Variants in ZNF90 observed in about 807,000 individuals in gnomAD.
ZNF90 encodes the protein zinc finger protein 90, also known as zinc finger protein HTF9.
ZNF90 carries 11 observed loss-of-function variants against 12.0 expected under a neutral mutation model. That is an observed-to-expected ratio of 0.92 (90% CI 0.58 to 1.52). ZNF90 has a LOEUF of 1.52. Ranked by LOEUF, ZNF90 falls within the 40% of genes most tolerant of loss-of-function variation. ZNF90 has a pLI of 0.00. For synonymous variants in ZNF90, 232 were observed against 240.1 expected, an observed-to-expected ratio of 0.97 and a Z score of 0.31; for missense variants, 765 against 711.5, an observed-to-expected ratio of 1.08 and a Z score of -0.86.
At chr19:20,084,341 G>T (rs1275183809) in intron 1 of ZNF90, among the ~76,000 whole-genome samples, 1 of 152,164 alleles carries the variant, frequency 6.6e-6, no homozygotes, top group African/African-American at 2.4e-5. Flanking sequence ...ACAGGCATGA[G>T]CCACTGCGCC....
At chr19:20,096,039 A>G (rs1299855684) in intron 1 of ZNF90, among the ~76,000 whole-genome samples, 1 of 152,216 alleles carries the variant, frequency 6.6e-6, no homozygotes, top group Non-Finnish European at 1.5e-5. Context: ...GTCCATGGAT[A>G]AAACGTGTCT....
chr19:20,105,532 G>A (rs528917026), intron 3 of ZNF90, among the ~76,000 whole-genome samples: 1 of 152,176 alleles, frequency 6.6e-6, no homozygotes, highest in East Asian at 1.9e-4. Flanking sequence ...CTTTTCTTTC[G>A]GTGAGCTTCC....
chr19:20,105,542 C>G lies in ZNF90; in HGVS notation c.226+226C>G, dbSNP rs191880407. Among the ~76,000 whole-genome samples, 213 of 152,234 alleles carry G rather than the reference C, an allele frequency of 1.4e-3. 1 individual carries two copies. The highest frequency in any genetic ancestry group is 4.8e-3 in the African/African-American group (201 of 41,534). ...TTCTACTTTTCTTTCGGTGAGCTTCCTTCAACTTCACAGTGAGAGCCAGAG... is the reference window on the plus strand; with the variant it reads ...TTCTACTTTTCTTTCGGTGAGCTTCGTTCAACTTCACAGTGAGAGCCAGAG... On this transcript the variant is annotated intron_variant, in intron 3 of 3. Coordinates refer to ENST00000418063, the MANE Select transcript of ZNF90 (RefSeq NM_007138.2).
chr19:20,099,153 T>C (rs911785305), intron 1 of ZNF90, among the ~76,000 whole-genome samples: 1 of 152,166 alleles, frequency 6.6e-6, no homozygotes, highest in East Asian at 1.9e-4. Flanking sequence ...CGAAGGGCTA[T>C]TTATGAACAG....
chr19:20,102,875 T>A (rs988805318), intron 1 of ZNF90, among the ~76,000 whole-genome samples: 32 of 152,322 alleles, frequency 2.1e-4, no homozygotes, highest in Middle Eastern at 3.4e-3. Context: ...CTCTCTAGGG[T>A]GCTAAATGAC....
chr19:20,085,425 A>T (rs2088852009), intron 1 of ZNF90, among the ~76,000 whole-genome samples: 1 of 151,740 alleles, frequency 6.6e-6, no homozygotes, highest in African/African-American at 2.4e-5. Flanking sequence ...GCGCCCGGCT[A>T]ATTTTTTTGT....
intron 1 of ZNF90, among the ~76,000 whole-genome samples, chr19:20,096,586 A>T (rs373553598): frequency 4.4e-4 from 67 of 152,256 alleles, no homozygotes; most frequent in African/African-American, 1.6e-3. Flanking sequence ...AGCCAGGAAA[A>T]GGACTTTCAC....
At chr19:20,082,370 C>A (rs1193138461) in intron 1 of ZNF90, among the ~76,000 whole-genome samples, 1 of 152,148 alleles carries the variant, frequency 6.6e-6, no homozygotes, top group Non-Finnish European at 1.5e-5. Flanking sequence ...CAGACTGTTA[C>A]TGTGTCTATG....
chr19:20,106,066 T>C (rs2089034567), intron 3 of ZNF90, among the ~76,000 whole-genome samples: 1 of 142,718 alleles, frequency 7.0e-6, no homozygotes, highest in South Asian at 2.1e-4. Context: ...TTTTTTTTTT[T>C]TGGTAAAGAG....
intron 1 of ZNF90, among the ~76,000 whole-genome samples, chr19:20,095,208 G>C (rs112917923): frequency 6.6e-6 from 1 of 152,010 alleles, no homozygotes; most frequent in Non-Finnish European, 1.5e-5. Context: ...GGGAGGGAAC[G>C]AAGTGTGAAA....
intron 1 of ZNF90, among the ~76,000 whole-genome samples, chr19:20,098,467 G>A (rs2088965371): frequency 6.6e-6 from 1 of 152,190 alleles, no homozygotes; most frequent in Admixed American, 6.5e-5. Flanking sequence ...AGCATCTTAG[G>A]AGTGAGAGAT....
At chr19:20,105,550 T>C (rs568834764) in intron 3 of ZNF90, among the ~76,000 whole-genome samples, 2 of 152,336 alleles carry the variant, frequency 1.3e-5, no homozygotes, top group South Asian at 4.1e-4. Context: ...TCCTTCAACT[T>C]CACAGTGAGA....
chr19:20,086,738 T>C (rs1383681859), intron 1 of ZNF90, among the ~76,000 whole-genome samples: 1 of 152,120 alleles, frequency 6.6e-6, no homozygotes, highest in Non-Finnish European at 1.5e-5. Context: ...AAATGATTTA[T>C]ACTTACTTAA....
chr19:20,099,850 A>AT lies in ZNF90; in HGVS notation c.4-4388dup, dbSNP rs2057319360. On this transcript the variant is annotated intron_variant, in intron 1 of 3. Transcript: ENST00000418063. ...CTTAGTCCTCCATGCCCATGCAGCA[A>AT]TATAGAGAGAAGGGGAATTCCTAAC... Among the ~76,000 whole-genome samples, 3 of 152,346 alleles carry AT rather than the reference A, an allele frequency of 2.0e-5. No individual in the cohort carries two copies. In the South Asian group the frequency reaches 6.2e-4, roughly 32 times the overall value.
intron 1 of ZNF90, among the ~76,000 whole-genome samples, chr19:20,101,293 A>G (rs997027974): frequency 2.6e-5 from 4 of 152,200 alleles, no homozygotes; most frequent in Non-Finnish European, 5.9e-5. Context: ...CACGGCTTCT[A>G]ATAGAATTAT....
rs551926175 is a variant in ZNF90 at position 20,117,720 on chromosome 19, T to C, written c.227-61T>C. 6.4e-4 allele frequency: 914 copies of C among 1,429,170 alleles called. 4 individuals are homozygous for C. Among genetic ancestry groups the C allele is most frequent in the Middle Eastern group, 2.7e-3 (15 of 5,456 alleles). 88.5% of individuals were successfully genotyped at this position (1,429,170 alleles called of 1,614,324 possible). On this transcript the variant is annotated intron_variant, in intron 3 of 3. Transcript: ENST00000418063. ...AGATGAGGTTAATTTTGTTTGTAAA[T>C]GTAACCTGTATTTATCAGAATCTAG...
intron 1 of ZNF90, among the ~76,000 whole-genome samples, chr19:20,092,442 C>T (rs1171455381): frequency 5.3e-5 from 8 of 152,192 alleles, no homozygotes; most frequent in Middle Eastern, 3.4e-3. Flanking sequence ...CCCTGCACTT[C>T]GGCTGTGTGT....
intron 1 of ZNF90, 29 bp downstream of exon 1, chr19:20,078,164 G>C: frequency 1.2e-6 from 2 of 1,614,126 alleles, no homozygotes; most frequent in South Asian, 2.2e-5. Flanking sequence ...CATTCCGAGA[G>C]AGGGGAGGGA....
chr19:20,105,126 A>C, intron 2 of ZNF90, 95 bp from the exon 3 acceptor site: 1 of 831,284 alleles, frequency 1.2e-6, no homozygotes, highest in Non-Finnish European at 1.7e-6. Flanking sequence ...GGAATTTACT[A>C]GACTATTTTA....
Sources: allele counts gnomAD v4.1 joint callset (sites outside exome capture counted in the v4.1 genomes callset), GRCh38; gene constraint gnomAD v4.1.1; transcripts MANE v1.5; gene names NCBI Gene and HGNC (gene_info 2026-07-23, HGNC 2026-07-21).